The following ELMO1 variants were observed in gnomAD, a reference collection of about 807,000 sequenced individuals.
ELMO1 encodes engulfment and cell motility protein 1.
ELMO1 carries 26 observed loss-of-function variants against 98.9 expected under a neutral mutation model. The ratio of observed to expected loss-of-function variants is 0.26; its 90% CI spans 0.19 to 0.36. The LOEUF is 0.36. ELMO1 is among the 10% of genes least tolerant of loss of function. The pLI, the probability that ELMO1 is intolerant of heterozygous loss-of-function variation, is 1.00. For missense variants in ELMO1, 627 were observed against 935.2 expected (o/e 0.67, Z 4.30); for synonymous variants, 346 against 346.0 (o/e 1.00, Z 0.00).
At chr7:37,016,438 C>T (rs1033119291) in intron 15 of ELMO1, among the ~76,000 whole-genome samples, 3 of 152,132 alleles carry the variant, frequency 2.0e-5, no homozygotes, top group African/African-American at 7.2e-5. Context: ...AAATGAGCGT[C>T]TGAAACCCAC....
At chr7:37,427,034 A>G (rs1234937772) in intron 1 of ELMO1, among the ~76,000 whole-genome samples, 1 of 152,130 alleles carries the variant, frequency 6.6e-6, no homozygotes, top group Non-Finnish European at 1.5e-5. Flanking sequence ...AAAGAAAAAA[A>G]TCACAAACTA....
At chr7:37,271,751 A>G (rs1000382330) in intron 5 of ELMO1, 81 bp downstream of exon 5, 1 of 1,496,184 alleles carries the variant, frequency 6.7e-7, no homozygotes, top group Non-Finnish European at 9.2e-7. Flanking sequence ...GTCAACCTCA[A>G]AAATTAATAT....
intron 1 of ELMO1, among the ~76,000 whole-genome samples, chr7:37,423,505 G>A (rs564582668): frequency 3.2e-4 from 49 of 152,284 alleles, no homozygotes; most frequent in East Asian, 1.9e-3. Context: ...GCTTGAACCC[G>A]GGAGGCGGAG....
intron 15 of ELMO1, among the ~76,000 whole-genome samples, chr7:37,067,748 A>C (rs1366045605): frequency 2.6e-5 from 4 of 151,112 alleles, no homozygotes; most frequent in Non-Finnish European, 5.9e-5. Flanking sequence ...TTTTTTTTTG[A>C]AAAGACAGAA....
At chr7:37,169,246 C>T (rs1789974139) in intron 13 of ELMO1, among the ~76,000 whole-genome samples, 1 of 152,202 alleles carries the variant, frequency 6.6e-6, no homozygotes, top group Non-Finnish European at 1.5e-5. Flanking sequence ...CGTCTGTCAC[C>T]CCTTTCTTTG....
intron 20 of ELMO1, among the ~76,000 whole-genome samples, chr7:36,863,814 T>C (rs1802819414): frequency 6.6e-6 from 1 of 152,210 alleles, no homozygotes; most frequent in South Asian, 2.1e-4. Flanking sequence ...TTATCTCTTC[T>C]TACAACTTTT....
intron 4 of ELMO1, among the ~76,000 whole-genome samples, chr7:37,309,077 C>T (rs148506582): frequency 3.3e-5 from 5 of 152,046 alleles, no homozygotes; most frequent in South Asian, 2.1e-4. Context: ...TGTATTAGTC[C>T]GTTCTCATGC....
intron 16 of ELMO1, among the ~76,000 whole-genome samples, chr7:36,996,898 T>A (rs573779275): frequency 2.6e-5 from 4 of 152,272 alleles, no homozygotes; most frequent in African/African-American, 9.6e-5. Flanking sequence ...CTGCTAGACG[T>A]AATAGACATG....
chr7:37,246,334 G>C lies in ELMO1; in HGVS notation c.414-1943C>G, dbSNP rs56891450. 9.8e-3 allele frequency among the ~76,000 whole-genome samples: 1,497 copies of C among 152,250 alleles called. 32 individuals are homozygous for C. The highest frequency in any genetic ancestry group is 0.035 in the African/African-American group (1,436 of 41,548). On this transcript the variant is annotated intron_variant, in intron 6 of 21. Transcript: ENST00000310758. ...ATGCCAAAACTGATGGGTGAAATTGGGGTAATGAGGCTTTACATAGTTTCA... is the reference window on the plus strand; with the variant it reads ...ATGCCAAAACTGATGGGTGAAATTGCGGTAATGAGGCTTTACATAGTTTCA...
intron 15 of ELMO1, among the ~76,000 whole-genome samples, chr7:37,082,427 G>C (rs1275821920): frequency 1.3e-5 from 2 of 152,206 alleles, no homozygotes; most frequent in Admixed American, 1.3e-4. Flanking sequence ...TTCACAGCCA[G>C]GTACGGTGGC....
chr7:36,899,521 A>C (rs1806314815), intron 16 of ELMO1, among the ~76,000 whole-genome samples: 1 of 152,104 alleles, frequency 6.6e-6, no homozygotes, highest in Non-Finnish European at 1.5e-5. Flanking sequence ...TGGAATCTAC[A>C]TTAGTAGCTT....
At chr7:37,086,431 A>G (rs567730872) in intron 15 of ELMO1, among the ~76,000 whole-genome samples, 1 of 151,942 alleles carries the variant, frequency 6.6e-6, no homozygotes, top group Non-Finnish European at 1.5e-5. Flanking sequence ...TGGCATAACT[A>G]TAGATGAACC....
chr7:37,001,323 T>G (rs1792656579), intron 16 of ELMO1, among the ~76,000 whole-genome samples: 1 of 152,196 alleles, frequency 6.6e-6, no homozygotes, highest in African/African-American at 2.4e-5. Context: ...TGAATTCAGC[T>G]TACTGGTCAG....
intron 15 of ELMO1, among the ~76,000 whole-genome samples, chr7:37,080,336 T>C (rs1797797125): frequency 6.6e-6 from 1 of 152,156 alleles, no homozygotes; most frequent in Admixed American, 6.6e-5. Flanking sequence ...GTCACATGTA[T>C]GCTCAATCTG....
chr7:36,967,665 G>A (rs1298649462), intron 16 of ELMO1, among the ~76,000 whole-genome samples: 3 of 152,180 alleles, frequency 2.0e-5, no homozygotes, highest in Admixed American at 2.0e-4. Context: ...GGAGTTTCTG[G>A]TAGGGATTCA....
intron 15 of ELMO1, among the ~76,000 whole-genome samples, chr7:37,026,710 G>A (rs554429269): frequency 2.0e-5 from 3 of 152,230 alleles, no homozygotes; most frequent in South Asian, 2.1e-4. Flanking sequence ...ACCCCACTGA[G>A]TCAACCTCCA....
At chr7:36,987,049 A>T (rs1038161979) in intron 16 of ELMO1, among the ~76,000 whole-genome samples, 2 of 152,188 alleles carry the variant, frequency 1.3e-5, no homozygotes, top group South Asian at 4.1e-4. Flanking sequence ...GGTGGTTCCT[A>T]GCCAACCTTT....
intron 14 of ELMO1, among the ~76,000 whole-genome samples, chr7:37,102,966 AACAG>A (rs1271699654): frequency 6.6e-6 from 1 of 152,332 alleles, no homozygotes; most frequent in African/African-American, 2.4e-5. Context: ...ATCTATTTCT[AACAG>A]ACAAAGTCTA....
Position 37,293,726 on chromosome 7 carries a change from AT to A in ELMO1, c.192+21123del, listed in dbSNP as rs1393590626. Among the ~76,000 whole-genome samples the A allele has an allele frequency of 2.7e-4, 23 of 85,026 alleles. 3 individuals are homozygous for A. Among genetic ancestry groups the A allele is most frequent in the Admixed American group, 1.0e-3 (8 of 7,954 alleles). 55.8% of individuals were successfully genotyped at this position (85,026 alleles called of 152,430 possible). ...CCAAGAATGATCAATAAAAAAAAAAATAATAATAATAATAAAAAAAAAGAGT... is the reference window on the plus strand; with the variant it reads ...CCAAGAATGATCAATAAAAAAAAAAAAATAATAATAATAAAAAAAAAGAGT... On this transcript the variant is annotated intron_variant, in intron 4 of 21. Coordinates refer to ENST00000310758, the MANE Select transcript of ELMO1 (RefSeq NM_014800.11).
Sources: gnomAD v4.1 joint callset for allele counts (sites outside exome capture counted in the v4.1 genomes callset) on GRCh38, gnomAD v4.1.1 for gene constraint, MANE v1.5 for transcripts, NCBI Gene and HGNC (gene_info 2026-07-23, HGNC 2026-07-21) for gene names.